Variants in ZNF804A observed in about 807,000 individuals in gnomAD.
ZNF804A encodes the protein zinc finger protein 804A.
In ZNF804A, 2 loss-of-function variants were observed where a neutral mutation model predicts 16.5. The observed-to-expected ratio is 0.12, with a 90% CI of 0.05 to 0.38. ZNF804A has a LOEUF of 0.38. Ranked by LOEUF, ZNF804A falls within the 10% of genes least tolerant of loss-of-function variation. ZNF804A has a pLI of 0.99. For synonymous variants in ZNF804A, 534 were observed against 489.6 expected (o/e 1.09, Z -1.20); for missense variants, 1,473 against 1,390.7 (o/e 1.06, Z -0.94).
At chr2:184,864,158 C>T (rs923890375) in intron 1 of ZNF804A, among the ~76,000 whole-genome samples, 1 of 152,132 alleles carries the variant, frequency 6.6e-6, no homozygotes. Flanking sequence ...CTGTCATCTG[C>T]ATCTGATGAG....
chr2:184,622,321 A>T (rs1691432862), intron 1 of ZNF804A, among the ~76,000 whole-genome samples: 1 of 151,770 alleles, frequency 6.6e-6, no homozygotes, highest in Non-Finnish European at 1.5e-5. Context: ...CCACAGTGTG[A>T]ATTTATGGTT....
At chr2:184,706,312 A>G (rs573663602) in intron 1 of ZNF804A, among the ~76,000 whole-genome samples, 1 of 152,302 alleles carries the variant, frequency 6.6e-6, no homozygotes, top group Admixed American at 6.5e-5. Flanking sequence ...TGTACATGGT[A>G]TATGTTGTAC....
At chr2:184,642,914 A>T (rs1272333232) in intron 1 of ZNF804A, among the ~76,000 whole-genome samples, 2 of 152,136 alleles carry the variant, frequency 1.3e-5, no homozygotes, top group African/African-American at 4.8e-5. Flanking sequence ...TGGATAATGG[A>T]GTCATATATA....
intron 1 of ZNF804A, among the ~76,000 whole-genome samples, chr2:184,744,501 G>A (rs576132073): frequency 1.1e-4 from 16 of 151,888 alleles, no homozygotes; most frequent in South Asian, 4.2e-4. Context: ...ACCATGTGAG[G>A]ACACAGCAAG....
At chr2:184,724,450 T>A (rs927712034) in intron 1 of ZNF804A, among the ~76,000 whole-genome samples, 13 of 139,492 alleles carry the variant, frequency 9.3e-5, no homozygotes, top group Admixed American at 4.1e-4. Flanking sequence ...TATCTAAAAA[T>A]GAAGACAGGC....
At chr2:184,700,789 A>G (rs1341561557) in intron 1 of ZNF804A, among the ~76,000 whole-genome samples, 1 of 152,058 alleles carries the variant, frequency 6.6e-6, no homozygotes, top group Non-Finnish European at 1.5e-5. Flanking sequence ...AAGAACTTGT[A>G]AAATTTATAA....
Position 184,938,744 on chromosome 2 carries a change from C to G in ZNF804A, c.3348C>G (p.Ala1116=), listed in dbSNP as rs149962176. 1.9e-6 allele frequency: 3 copies of G among 1,606,386 alleles called. No individual in the cohort carries two copies. Among genetic ancestry groups the G allele is most frequent in the Admixed American group, 1.7e-5 (1 of 59,620 alleles). ...CAGCTGCTGCAGCTGCAGCTGCAGC[C>G]GCAGCTGCAGGAACCTTTAAAGTGC... is the stretch of plus-strand genomic sequence containing the variant. ...HAAAAAAAAA[A]AAAGTFKVLQ... The change falls in exon 4 of 4, where the codon GCC becomes GCG. Residue 1116 remains alanine, a synonymous_variant. Transcript: ENST00000302277.
chr2:184,652,493 G>A (rs1456577544), intron 1 of ZNF804A, among the ~76,000 whole-genome samples: 1 of 152,066 alleles, frequency 6.6e-6, no homozygotes, highest in Non-Finnish European at 1.5e-5. Flanking sequence ...TGAAAAATAT[G>A]TTTAAAACTT....
intron 1 of ZNF804A, among the ~76,000 whole-genome samples, chr2:184,691,253 CA>C (rs1692720436): frequency 6.6e-6 from 1 of 151,822 alleles, no homozygotes; most frequent in Admixed American, 6.6e-5. Context: ...ACTTGCTCAG[CA>C]AAAAACCTTC....
At chr2:184,741,431 A>G (rs1559139334) in intron 1 of ZNF804A, among the ~76,000 whole-genome samples, 1 of 152,172 alleles carries the variant, frequency 6.6e-6, no homozygotes, top group Non-Finnish European at 1.5e-5. Flanking sequence ...GGGATTCATC[A>G]ACACATTTAA....
intron 1 of ZNF804A, among the ~76,000 whole-genome samples, chr2:184,666,986 T>A (rs1035502900): frequency 2.0e-5 from 3 of 152,036 alleles, no homozygotes; most frequent in African/African-American, 7.2e-5. Flanking sequence ...ATAATGAAGA[T>A]GCATTTAACT....
In ZNF804A at chr2:184,694,321, A is replaced by G. The variant is rs565926141; in HGVS notation, c.111+95251A>G. ...AAATGATATAAAAATTTCAGTGTCA[A>G]ATGGAGACCACCACAAATTGTTCTT... On this transcript the variant is annotated intron_variant, in intron 1 of 3. Coordinates refer to ENST00000302277, the MANE Select transcript of ZNF804A (RefSeq NM_194250.2). Among the ~76,000 whole-genome samples the G allele has an allele frequency of 1.6e-4, 24 of 152,194 alleles. No individual in the cohort carries two copies. The South Asian group carries it at 4.6e-3, about 29-fold the overall frequency.
intron 1 of ZNF804A, among the ~76,000 whole-genome samples, chr2:184,814,334 T>C (rs1694946416): frequency 6.6e-6 from 1 of 152,100 alleles, no homozygotes; most frequent in South Asian, 2.1e-4. Flanking sequence ...TTTCCAGTAC[T>C]ACTTTGATTC....
chr2:184,707,423 T>C (rs1158904668), intron 1 of ZNF804A, among the ~76,000 whole-genome samples: 1 of 152,094 alleles, frequency 6.6e-6, no homozygotes, highest in African/African-American at 2.4e-5. Context: ...ACCCAGTAGG[T>C]AGATTTTCAA....
At chr2:184,682,532 C>G (rs1261655110) in intron 1 of ZNF804A, among the ~76,000 whole-genome samples, 1 of 151,980 alleles carries the variant, frequency 6.6e-6, no homozygotes, top group African/African-American at 2.4e-5. Context: ...TTTCGAGACG[C>G]AGATGATGTC....
intron 1 of ZNF804A, among the ~76,000 whole-genome samples, chr2:184,831,280 T>G (rs934001045): frequency 8.5e-5 from 12 of 141,290 alleles, no homozygotes; most frequent in East Asian, 1.9e-4. Flanking sequence ...ATTAAATCAG[T>G]TTTTTTTGCA....
chr2:184,620,389 T>G (rs1691398763), intron 1 of ZNF804A, among the ~76,000 whole-genome samples: 1 of 151,840 alleles, frequency 6.6e-6, no homozygotes, highest in African/African-American at 2.4e-5. Flanking sequence ...TAAGCAATAC[T>G]TTTCACCAAG....
At chr2:184,914,305 G>A (rs1685412981) in intron 2 of ZNF804A, among the ~76,000 whole-genome samples, 1 of 152,116 alleles carries the variant, frequency 6.6e-6, no homozygotes, top group Non-Finnish European at 1.5e-5. Context: ...CAGTTTAATT[G>A]CAGAGAGATG....
chr2:184,637,723 A>G (rs1430180491), intron 1 of ZNF804A, among the ~76,000 whole-genome samples: 2 of 152,184 alleles, frequency 1.3e-5, no homozygotes, highest in Non-Finnish European at 2.9e-5. Flanking sequence ...TGCACTTAAT[A>G]ATTAAGCTAT....
Sources: gnomAD v4.1 joint callset for allele counts (sites outside exome capture counted in the v4.1 genomes callset) on GRCh38, gnomAD v4.1.1 for gene constraint, MANE v1.5 for transcripts, NCBI Gene and HGNC (gene_info 2026-07-23, HGNC 2026-07-21) for gene names.